Variants in CDH12 observed in about 807,000 individuals in gnomAD.
The protein encoded by CDH12 is cadherin 12.
Under a neutral mutation model 74.1 loss-of-function variants are expected in CDH12, and 41 were observed. The ratio of observed to expected loss-of-function variants is 0.55; its 90% CI spans 0.43 to 0.72. The LOEUF (loss-of-function observed/expected upper bound fraction) is 0.72, where lower values mean the gene tolerates loss of function less well. Ranked by LOEUF, CDH12 falls within the 30% of genes least tolerant of loss-of-function variation. The pLI is 0.00. For missense variants in CDH12, 945 were observed against 977.2 expected, an observed-to-expected ratio of 0.97 and a Z score of 0.44; for synonymous variants, 399 against 355.0, an observed-to-expected ratio of 1.12 and a Z score of -1.39.
intron 2 of CDH12, among the ~76,000 whole-genome samples, chr5:22,421,794 A>G (rs536832687): frequency 6.6e-6 from 1 of 152,328 alleles, no homozygotes; most frequent in South Asian, 2.1e-4. Context: ...ACTAGTTTAC[A>G]GTCCCACCGA....
chr5:22,467,205 G>A (rs540621590), intron 2 of CDH12, among the ~76,000 whole-genome samples: 58 of 152,188 alleles, frequency 3.8e-4, no homozygotes, highest in Non-Finnish European at 7.2e-4. Flanking sequence ...TATAGAATTG[G>A]AACCTTGACA....
At chr5:22,283,542 T>A (rs191128827) in intron 3 of CDH12, among the ~76,000 whole-genome samples, 24 of 152,002 alleles carry the variant, frequency 1.6e-4, no homozygotes, top group African/African-American at 5.8e-4. Flanking sequence ...TTTTCACTTA[T>A]ATGTGGAATC....
chr5:22,682,909 C>T (rs193154909), intron 1 of CDH12, among the ~76,000 whole-genome samples: 10 of 152,144 alleles, frequency 6.6e-5, no homozygotes, highest in Non-Finnish European at 1.0e-4. Context: ...AATTCACAGC[C>T]ATGCCTAATA....
At chr5:22,105,981 T>G (rs1744417754) in intron 4 of CDH12, among the ~76,000 whole-genome samples, 1 of 152,224 alleles carries the variant, frequency 6.6e-6, no homozygotes, top group Admixed American at 6.5e-5. Context: ...ATTGTGAATA[T>G]TATTTCCAGG....
chr5:22,135,474 C>T (rs1411226837), intron 4 of CDH12, among the ~76,000 whole-genome samples: 2 of 151,854 alleles, frequency 1.3e-5, no homozygotes, highest in Non-Finnish European at 2.9e-5. Flanking sequence ...TCAAAATGCA[C>T]ATTAATTCTG....
intron 4 of CDH12, among the ~76,000 whole-genome samples, chr5:22,152,955 G>T (rs1306497112): frequency 2.0e-5 from 3 of 151,992 alleles, no homozygotes; most frequent in Admixed American, 6.6e-5. Flanking sequence ...CTTTTTTAAG[G>T]TTTAATAGTT....
At chr5:22,244,796 GAA>G (rs1436220615) in intron 3 of CDH12, among the ~76,000 whole-genome samples, 9,516 of 108,744 alleles carry the variant, frequency 0.088, 466 homozygotes, top group Admixed American at 0.13. Context: ...AAGAAAGAAA[GAA>G]AGAAAAATTC....
At chr5:21,947,215 A>G (rs190023413) in intron 6 of CDH12, among the ~76,000 whole-genome samples, 2,354 of 152,216 alleles carry the variant, frequency 0.015, 34 homozygotes, top group Non-Finnish European at 0.024. Flanking sequence ...GAACAGACTA[A>G]TAGAGTAAAT....
Position 22,522,372 on chromosome 5 carries a change from CTCTGT to C in CDH12, c.-522-17013_-522-17009del, listed in dbSNP as rs550190420. On this transcript the variant is annotated intron_variant, in intron 1 of 14. Coordinates refer to ENST00000382254, the MANE Select transcript of CDH12 (RefSeq NM_004061.5). ...TTTAAATTTGACTCCAAAGCCCATGCTCTGTTCTAACAGACTACTCAACTGTGTAC... is the reference window on the plus strand; with the variant it reads ...TTTAAATTTGACTCCAAAGCCCATGCTCTAACAGACTACTCAACTGTGTAC... Among the ~76,000 whole-genome samples the C allele has an allele frequency of 2.4e-3, 372 of 152,298 alleles. 4 individuals are homozygous for C. The highest frequency in any genetic ancestry group is 8.2e-3 in the African/African-American group (341 of 41,570).
intron 1 of CDH12, among the ~76,000 whole-genome samples, chr5:22,545,939 T>TTGTGGTTGTTGTTGTTGTTGC (rs1411006008): frequency 2.0e-5 from 3 of 152,022 alleles, no homozygotes; most frequent in Non-Finnish European, 2.9e-5. Flanking sequence ...GTTGTTGTTG[T>TTGTGGTTGTTGTTGTTGTTGC]TGTTGTTGTT....
chr5:21,761,084 A>G (rs1463909912), intron 12 of CDH12, among the ~76,000 whole-genome samples: 1 of 152,198 alleles, frequency 6.6e-6, no homozygotes, highest in African/African-American at 2.4e-5. Context: ...AAAATTTAGT[A>G]TGAGTTATGT....
intron 2 of CDH12, among the ~76,000 whole-genome samples, chr5:22,434,426 T>A (rs547523846): frequency 1.8e-3 from 270 of 152,250 alleles, no homozygotes; most frequent in African/African-American, 6.2e-3. Context: ...CTTGTCCAAA[T>A]TTTCCCCATT....
intron 7 of CDH12, among the ~76,000 whole-genome samples, chr5:21,850,977 GTAAA>G (rs1485612914): frequency 1.3e-5 from 2 of 151,158 alleles, no homozygotes; most frequent in African/African-American, 4.8e-5. Context: ...TGACAAAAGT[GTAAA>G]CATACTTAAT....
intron 1 of CDH12, among the ~76,000 whole-genome samples, chr5:22,681,919 T>C (rs1048062375): frequency 4.6e-5 from 7 of 152,064 alleles, no homozygotes; most frequent in African/African-American, 1.4e-4. Context: ...GTTTGGTTTC[T>C]GTATCTGACA....
chr5:22,089,919 T>A (rs1401687084), intron 4 of CDH12, among the ~76,000 whole-genome samples: 1 of 152,006 alleles, frequency 6.6e-6, no homozygotes, highest in African/African-American at 2.4e-5. Flanking sequence ...GCAGTGAGCA[T>A]AAGGAGATTT....
chr5:22,211,322 C>A (rs1260367377), intron 4 of CDH12, among the ~76,000 whole-genome samples: 2 of 152,034 alleles, frequency 1.3e-5, no homozygotes, highest in Non-Finnish European at 2.9e-5. Context: ...TAAAAATCAA[C>A]CTGTTTCAGT....
At chr5:21,901,993 C>T (rs907761398) in intron 6 of CDH12, among the ~76,000 whole-genome samples, 10 of 152,040 alleles carry the variant, frequency 6.6e-5, no homozygotes, top group African/African-American at 1.9e-4. Context: ...CAATAATAAT[C>T]GTCATGTACT....
At chr5:21,917,369 C>CT (rs1347993497) in intron 6 of CDH12, among the ~76,000 whole-genome samples, 3 of 152,164 alleles carry the variant, frequency 2.0e-5, no homozygotes, top group African/African-American at 2.4e-5. Flanking sequence ...ATTCTACTGT[C>CT]TAGTCAAAGT....
At chr5:22,515,934 T>C (rs1184714878) in intron 1 of CDH12, among the ~76,000 whole-genome samples, 1 of 151,712 alleles carries the variant, frequency 6.6e-6, no homozygotes, top group African/African-American at 2.4e-5. Flanking sequence ...ATAGGACAAA[T>C]AATTATTATC....
Sources: allele counts gnomAD v4.1 joint callset (sites outside exome capture counted in the v4.1 genomes callset), GRCh38; gene constraint gnomAD v4.1.1; transcripts MANE v1.5; gene names NCBI Gene and HGNC (gene_info 2026-07-23, HGNC 2026-07-21).